Variants in CFH observed in about 807,000 individuals in gnomAD.
CFH encodes the protein H factor 1 (complement).
Under a neutral mutation model 147.3 loss-of-function variants are expected in CFH, and 53 were observed. That is an observed-to-expected ratio of 0.36 (90% confidence interval 0.29 to 0.45). CFH has a LOEUF of 0.45. Ranked by LOEUF, CFH falls within the 20% of genes least tolerant of loss-of-function variation. The probability of loss-of-function intolerance (pLI) is 1.00; values close to 1 mark genes in which losing one functional copy is unlikely to be tolerated. For missense variants in CFH, 1,380 were observed against 1,498.0 expected, an observed-to-expected ratio of 0.92 and a Z score of 1.30; for synonymous variants, 536 against 489.4, an observed-to-expected ratio of 1.10 and a Z score of -1.26.
chr1:196,687,209 C>T (rs1667858195), intron 7 of CFH, among the ~76,000 whole-genome samples: 1 of 151,916 alleles, frequency 6.6e-6, no homozygotes, highest in African/African-American at 2.4e-5. Flanking sequence ...TCTGTTTGAG[C>T]CAACTTTATG....
At chr1:196,666,169 G>A (rs931251348) in intron 1 of CFH, among the ~76,000 whole-genome samples, 3 of 152,078 alleles carry the variant, frequency 2.0e-5, no homozygotes, top group Admixed American at 6.5e-5. Context: ...ATCCATGCCC[G>A]GTAACAACAG....
intron 18 of CFH, chr1:196,741,051 G>A (rs958714939): frequency 4.4e-6 from 2 of 459,668 alleles, no homozygotes; most frequent in Non-Finnish European, 7.9e-6. Flanking sequence ...CTGTTCTTAG[G>A]GCACAGCTGC....
intron 20 of CFH, among the ~76,000 whole-genome samples, chr1:196,745,113 A>T: frequency 1.3e-5 from 2 of 152,066 alleles, no homozygotes; most frequent in Middle Eastern, 6.8e-3. Flanking sequence ...TTCTTTTTTT[A>T]AAGTAGTTTT....
At chr1:196,664,754 T>C (rs569484965) in intron 1 of CFH, among the ~76,000 whole-genome samples, 28 of 152,246 alleles carry the variant, frequency 1.8e-4, no homozygotes, top group South Asian at 4.1e-4. Context: ...TGTAGCATAA[T>C]TTGACAATTT....
At chr1:196,709,100 T>G (rs1337548899) in intron 9 of CFH, among the ~76,000 whole-genome samples, 1 of 152,158 alleles carries the variant, frequency 6.6e-6, no homozygotes, top group Non-Finnish European at 1.5e-5. Context: ...TGTACTTATA[T>G]CAATGCTTCT....
At chr1:196,721,873 C>CT (rs1224175410) in intron 11 of CFH, among the ~76,000 whole-genome samples, 1 of 150,834 alleles carries the variant, frequency 6.6e-6, no homozygotes, top group Non-Finnish European at 1.5e-5. Flanking sequence ...ATACCAAATG[C>CT]TTTTTGTTTC....
At chr1:196,682,195 C>A (rs1667681080) in intron 6 of CFH, among the ~76,000 whole-genome samples, 1 of 151,674 alleles carries the variant, frequency 6.6e-6, no homozygotes, top group African/African-American at 2.4e-5. Context: ...GGAAAGCTAT[C>A]TTTGATCCGA....
At chr1:196,716,845 C>T (rs1473629592) in intron 11 of CFH, among the ~76,000 whole-genome samples, 2 of 152,048 alleles carry the variant, frequency 1.3e-5, no homozygotes, top group Non-Finnish European at 2.9e-5. Context: ...GACTTGGACA[C>T]ATTATGATTG....
At chr1:196,654,262 C>A (rs1355021127) in intron 1 of CFH, among the ~76,000 whole-genome samples, 4 of 151,462 alleles carry the variant, frequency 2.6e-5, no homozygotes, top group African/African-American at 9.7e-5. Flanking sequence ...GAACTTTCTT[C>A]AAAAAAAACA....
chr1:196,692,914 C>CCTTT lies in CFH; in HGVS notation c.1336+2678_1336+2679insTCTT, dbSNP rs1233040233. Among the ~76,000 whole-genome samples, 7 of 136,608 alleles carry CCTTT rather than the reference C, an allele frequency of 5.1e-5. 1 individual carries two copies. Among genetic ancestry groups the CCTTT allele is most frequent in the Admixed American group, 1.5e-4 (2 of 12,954 alleles). The allele number at this position is 136,608 out of a possible 152,430, so 89.6% of individuals were successfully genotyped here. A position where few individuals can be genotyped will look rare whatever the true frequency, so the allele number is the denominator to read the frequency against. ...CCCTCCCTCCCTCCCTTCCTTCCTT[C>CCTTT]CTTCCTTCCTTCCTTCCTTCTTTCC... On this transcript the variant is annotated intron_variant, in intron 9 of 21. Transcript: ENST00000367429.
chr1:196,698,814 C>G (rs72734328), intron 9 of CFH, among the ~76,000 whole-genome samples: 32,532 of 152,044 alleles, frequency 0.21, 4,380 homozygotes, highest in East Asian at 0.51. Flanking sequence ...AACATCAATG[C>G]GAAAATCCTC....
intron 17 of CFH, among the ~76,000 whole-genome samples, chr1:196,738,067 C>T (rs761117677): frequency 2.7e-4 from 41 of 152,104 alleles, no homozygotes; most frequent in Non-Finnish European, 4.4e-4. Context: ...AGGAGAAGTT[C>T]TGACCAAAGG....
At chr1:196,699,896 A>G (rs1056732241) in intron 9 of CFH, among the ~76,000 whole-genome samples, 9 of 152,154 alleles carry the variant, frequency 5.9e-5, no homozygotes, top group African/African-American at 1.9e-4. Flanking sequence ...CCATTGACCC[A>G]CTTCCTTATA....
chr1:196,737,339 T>A, intron 16 of CFH, 136 bp from the exon 17 acceptor site: 1 of 686,956 alleles, frequency 1.5e-6, no homozygotes, highest in Non-Finnish European at 2.5e-6. Flanking sequence ...TGCGAGTTTC[T>A]AATATGTTTT....
intron 1 of CFH, among the ~76,000 whole-genome samples, chr1:196,672,470 T>C (rs1186157097): frequency 6.6e-6 from 1 of 152,190 alleles, no homozygotes; most frequent in Non-Finnish European, 1.5e-5. Context: ...TATTAACTTA[T>C]CATGCTAATT....
At chr1:196,714,597 A>T (rs1342234253) in intron 10 of CFH, among the ~76,000 whole-genome samples, 1 of 103,920 alleles carries the variant, frequency 9.6e-6, no homozygotes, top group Non-Finnish European at 1.8e-5. Context: ...ACTCAGTAAT[A>T]TGTGTGTGTG....
chr1:196,667,924 T>C (rs1012091924), intron 1 of CFH, among the ~76,000 whole-genome samples: 1 of 152,284 alleles, frequency 6.6e-6, no homozygotes, highest in East Asian at 1.9e-4. Flanking sequence ...TTTTACCACA[T>C]CAAGACTATG....
chr1:196,723,909 C>T (rs1056478538), intron 11 of CFH, among the ~76,000 whole-genome samples: 4 of 152,150 alleles, frequency 2.6e-5, no homozygotes, highest in East Asian at 2.0e-4. Context: ...GTGACCACAG[C>T]TATGAACACA....
chr1:196,734,328 G>A (rs1669348682), intron 15 of CFH, among the ~76,000 whole-genome samples: 2 of 152,002 alleles, frequency 1.3e-5, no homozygotes. Context: ...ACATTCTTGG[G>A]TGGAAGAAGA....
Sources: gnomAD v4.1 joint callset for allele counts (sites outside exome capture counted in the v4.1 genomes callset) on GRCh38, gnomAD v4.1.1 for gene constraint, MANE v1.5 for transcripts, NCBI Gene and HGNC (gene_info 2026-07-23, HGNC 2026-07-21) for gene names.